The following SLC8A1 variants were observed in gnomAD, a reference collection of about 807,000 sequenced individuals.
The protein encoded by SLC8A1 is sodium/calcium exchanger 1.
SLC8A1 carries 18 observed loss-of-function variants against 68.3 expected under a neutral mutation model. The ratio of observed to expected loss-of-function variants is 0.26; its 90% CI spans 0.18 to 0.39. The LOEUF is 0.39. Ranked by LOEUF, SLC8A1 falls within the 10% of genes least tolerant of loss-of-function variation. SLC8A1 has a pLI of 1.00. For missense variants in SLC8A1, 985 were observed against 1,156.7 expected, an observed-to-expected ratio of 0.85 and a Z score of 2.15; for synonymous variants, 475 against 415.5, an observed-to-expected ratio of 1.14 and a Z score of -1.74.
intron 2 of SLC8A1, among the ~76,000 whole-genome samples, chr2:40,407,220 C>T (rs1331646048): frequency 2.6e-5 from 4 of 152,070 alleles, no homozygotes; most frequent in South Asian, 2.1e-4. Context: ...TGCCCACCAC[C>T]GGGCATGGCT....
intron 2 of SLC8A1, among the ~76,000 whole-genome samples, chr2:40,339,243 G>C (rs753998157): frequency 2.0e-4 from 31 of 152,290 alleles, no homozygotes; most frequent in Middle Eastern, 3.4e-3. Context: ...CTTGCAGCCT[G>C]CATATGCTTC....
chr2:40,234,012 T>A (rs1480676241), intron 2 of SLC8A1, among the ~76,000 whole-genome samples: 1 of 152,180 alleles, frequency 6.6e-6, no homozygotes, highest in African/African-American at 2.4e-5. Context: ...TTGTAGTATA[T>A]AGTTTGAAGT....
At chr2:40,366,657 C>G (rs375490184) in intron 2 of SLC8A1, among the ~76,000 whole-genome samples, 22 of 152,094 alleles carry the variant, frequency 1.4e-4, no homozygotes, top group Admixed American at 2.6e-4. Flanking sequence ...GAGGAAAACA[C>G]AGATCAAAAA....
intron 2 of SLC8A1, among the ~76,000 whole-genome samples, chr2:40,317,469 T>C (rs2074617262): frequency 1.3e-5 from 2 of 152,200 alleles, no homozygotes; most frequent in Middle Eastern, 6.8e-3. Flanking sequence ...CAAGTTTTAT[T>C]AGAGAAAACT....
At chr2:40,108,957 A>G (rs1450488977) in exon 8 of SLC8A1, 1 of 151,802 alleles carries the variant, frequency 6.6e-6, no homozygotes, top group Non-Finnish European at 1.5e-5. Flanking sequence ...GTCTCTGAAA[A>G]TCTCTGGGCA....
chr2:40,504,207 A>G (rs1706224366), intron 1 of SLC8A1, among the ~76,000 whole-genome samples: 1 of 152,040 alleles, frequency 6.6e-6, no homozygotes, highest in Non-Finnish European at 1.5e-5. Context: ...TACACTGGGA[A>G]AAAGACAGTC....
chr2:40,171,618 T>C (rs995627406), intron 4 of SLC8A1, among the ~76,000 whole-genome samples: 1 of 152,190 alleles, frequency 6.6e-6, no homozygotes, highest in African/African-American at 2.4e-5. Flanking sequence ...AGAAATAAGC[T>C]AGAGGAGAGG....
At chr2:40,480,579 T>C (rs1469594919) in intron 1 of SLC8A1, among the ~76,000 whole-genome samples, 1 of 152,206 alleles carries the variant, frequency 6.6e-6, no homozygotes, top group Admixed American at 6.5e-5. Context: ...ATTTTTGTTA[T>C]AACATCTTAA....
At chr2:40,393,887 C>G (rs1686069520) in intron 2 of SLC8A1, among the ~76,000 whole-genome samples, 1 of 152,014 alleles carries the variant, frequency 6.6e-6, no homozygotes, top group South Asian at 2.1e-4. Context: ...TGCCTATTAC[C>G]CTTTTCATGG....
At chr2:40,389,292 T>TC (rs1645342416) in intron 2 of SLC8A1, among the ~76,000 whole-genome samples, 2 of 152,062 alleles carry the variant, frequency 1.3e-5, no homozygotes, top group African/African-American at 4.8e-5. Flanking sequence ...TAATCCCCAG[T>TC]CTCACGGTAA....
At chr2:40,168,893 C>A (rs1244944631) in intron 4 of SLC8A1, among the ~76,000 whole-genome samples, 1 of 152,092 alleles carries the variant, frequency 6.6e-6, no homozygotes, top group Non-Finnish European at 1.5e-5. Context: ...TAGTCTTAAC[C>A]AATCCAAACA....
At position 40,377,774 on chromosome 2, in the gene SLC8A1, CT is replaced by C. The variant is rs1470312913; in HGVS notation, c.1808+50698del. ...TCTCCTGCCTCTCCAATCAGGTCTACTTCTACTACCTTCTCCCTGTTATAGA... is the reference window on the plus strand; with the variant it reads ...TCTCCTGCCTCTCCAATCAGGTCTACTCTACTACCTTCTCCCTGTTATAGA... On this transcript the variant is annotated intron_variant, in intron 2 of 7. Coordinates refer to ENST00000406785, the Ensembl canonical transcript of SLC8A1. Among the ~76,000 whole-genome samples the C allele has an allele frequency of 3.3e-5, 5 of 152,136 alleles. No homozygotes were observed. The East Asian group carries it at 9.7e-4, about 29-fold the overall frequency.
intron 2 of SLC8A1, among the ~76,000 whole-genome samples, chr2:40,311,516 G>A (rs903453716): frequency 6.6e-6 from 1 of 152,008 alleles, no homozygotes; most frequent in African/African-American, 2.4e-5. Context: ...GTAACATGTT[G>A]AGTGAAATAA....
At chr2:40,431,109 C>G (rs2149791183) in intron 1 of SLC8A1, among the ~76,000 whole-genome samples, 1 of 152,286 alleles carries the variant, frequency 6.6e-6, no homozygotes, top group Non-Finnish European at 1.5e-5. Context: ...GCATCTGGTT[C>G]TTCAAGCACA....
chr2:40,179,649 ATT>A (rs535611704), intron 2 of SLC8A1, among the ~76,000 whole-genome samples: 27 of 152,232 alleles, frequency 1.8e-4, no homozygotes, highest in South Asian at 4.1e-4. Flanking sequence ...AGACAACGGA[ATT>A]TTAACAGCAT....
At chr2:40,303,545 A>G (rs1361650662) in intron 2 of SLC8A1, among the ~76,000 whole-genome samples, 1 of 152,206 alleles carries the variant, frequency 6.6e-6, no homozygotes. Flanking sequence ...AAATTTGGGG[A>G]ACCTCTAGGT....
intron 6 of SLC8A1, among the ~76,000 whole-genome samples, chr2:40,146,069 C>T (rs1339516799): frequency 1.3e-5 from 2 of 152,158 alleles, no homozygotes; most frequent in African/African-American, 2.4e-5. Flanking sequence ...ATGATGTCAA[C>T]AACTTTTCTT....
intron 1 of SLC8A1, among the ~76,000 whole-genome samples, chr2:40,450,318 G>C (rs893152313): frequency 1.4e-4 from 21 of 151,920 alleles, no homozygotes; most frequent in Admixed American, 1.3e-3. Context: ...CTCGCTGCAG[G>C]AGTAGCTTTG....
chr2:40,210,913 A>C (rs2056463531), intron 2 of SLC8A1, among the ~76,000 whole-genome samples: 1 of 152,224 alleles, frequency 6.6e-6, no homozygotes, highest in African/African-American at 2.4e-5. Context: ...TAACATCATA[A>C]GGCTACATGC....
Sources: gnomAD v4.1 joint callset for allele counts (sites outside exome capture counted in the v4.1 genomes callset) on GRCh38, gnomAD v4.1.1 for gene constraint, MANE v1.5 for transcripts, NCBI Gene and HGNC (gene_info 2026-07-23, HGNC 2026-07-21) for gene names.